Variants in PPP1R14D observed in about 807,000 individuals in gnomAD.
PPP1R14D encodes protein phosphatase 1 regulatory subunit 14D.
A neutral mutation model predicts 17.1 loss-of-function variants in PPP1R14D; 14 were observed. The observed-to-expected ratio is 0.82, with a 90% CI of 0.54 to 1.28. The LOEUF (loss-of-function observed/expected upper bound fraction) is 1.28, where lower values mean the gene tolerates loss of function less well. Ranked by LOEUF, PPP1R14D falls within the 50% of genes most tolerant of loss-of-function variation. The pLI is 0.00. For missense variants in PPP1R14D, 173 were observed against 179.2 expected (o/e 0.97, Z 0.20); for synonymous variants, 67 against 66.1 (o/e 1.01, Z -0.06).
chr15:40,823,541 C>T (rs780515392), intron 1 of PPP1R14D, among the ~76,000 whole-genome samples: 4 of 152,186 alleles, frequency 2.6e-5, no homozygotes, highest in African/African-American at 2.4e-5. Context: ...TAGTAAGTGA[C>T]CTATATAGTT....
intron 1 of PPP1R14D, among the ~76,000 whole-genome samples, 189 bp downstream of exon 1, chr15:40,828,198 G>A (rs1381109380): frequency 6.6e-6 from 1 of 152,182 alleles, no homozygotes; most frequent in Admixed American, 6.5e-5. Context: ...AAGAGCATTA[G>A]AGGCACAGAC....
At chr15:40,816,292 AGCTGGT>A (rs986693875) in intron 1 of PPP1R14D, 39 bp from the exon 2 acceptor site, 4 of 1,550,234 alleles carry the variant, frequency 2.6e-6, no homozygotes, top group East Asian at 2.2e-5. Flanking sequence ...GGGCCTGACC[AGCTGGT>A]GCTGGAATGA....
At position 40,824,125 on chromosome 15, in the gene PPP1R14D, C is replaced by A. The variant is rs118025233; in HGVS notation, c.255+4262G>T. Among the ~76,000 whole-genome samples, 193 of 151,988 alleles carry A rather than the reference C, an allele frequency of 1.3e-3. No individual in the cohort carries two copies. The East Asian group carries it at 0.021, about 17-fold the overall frequency. On this transcript the variant is annotated intron_variant, in intron 1 of 3. Transcript: ENST00000299174. Reference sequence around the variant, plus strand: ...GAACATAAGCAGGTATATAAAACAACCCCTACTGAGATGAACAAGTGTGAG... The same window carrying A: ...GAACATAAGCAGGTATATAAAACAAACCCTACTGAGATGAACAAGTGTGAG...
intron 1 of PPP1R14D, among the ~76,000 whole-genome samples, chr15:40,827,480 G>A (rs993405575): frequency 6.6e-6 from 1 of 152,054 alleles, no homozygotes; most frequent in African/African-American, 2.4e-5. Context: ...TGCACTCCAG[G>A]CTGGTTTACA....
intron 1 of PPP1R14D, among the ~76,000 whole-genome samples, chr15:40,819,861 A>G (rs560682373): frequency 6.3e-5 from 9 of 142,356 alleles, no homozygotes; most frequent in East Asian, 2.0e-4. Context: ...TCCAGTGTAT[A>G]TTGCTATTTT....
At chr15:40,818,562 G>A (rs2141985642) in intron 1 of PPP1R14D, among the ~76,000 whole-genome samples, 1 of 152,214 alleles carries the variant, frequency 6.6e-6, no homozygotes, top group African/African-American at 2.4e-5. Flanking sequence ...TAGTCCCAAG[G>A]AGTCTAGCCT....
intron 1 of PPP1R14D, among the ~76,000 whole-genome samples, chr15:40,818,161 G>T (rs1890705957): frequency 9.1e-6 from 1 of 110,422 alleles, no homozygotes; most frequent in Non-Finnish European, 1.7e-5. Context: ...GTGGTGGTGG[G>T]TGCCTGTGTC....
At chr15:40,823,369 A>G (rs1018124298) in intron 1 of PPP1R14D, among the ~76,000 whole-genome samples, 8 of 152,086 alleles carry the variant, frequency 5.3e-5, no homozygotes, top group Non-Finnish European at 8.8e-5. Context: ...CGGCCTCTCA[A>G]GTGCTGGGAT....
chr15:40,817,773 C>A (rs1044208171), intron 1 of PPP1R14D, among the ~76,000 whole-genome samples: 4 of 151,896 alleles, frequency 2.6e-5, no homozygotes, highest in African/African-American at 9.7e-5. Context: ...CACCACCACA[C>A]CCAGCTAATT....
At chr15:40,816,148 C>T in intron 2 of PPP1R14D, 22 bp downstream of exon 2, 2 of 1,612,992 alleles carry the variant, frequency 1.2e-6, no homozygotes, top group Non-Finnish European at 1.7e-6. Context: ...GACCCAAGGC[C>T]AGCTTCTAGC....
intron 3 of PPP1R14D, 73 bp from the exon 4 acceptor site, chr15:40,815,834 C>T (rs1262421546): frequency 3.4e-6 from 5 of 1,471,702 alleles, no homozygotes; most frequent in Non-Finnish European, 3.7e-6. Flanking sequence ...CCTAATCTTC[C>T]CCTGCCCCTG....
At chr15:40,821,876 C>T (rs747891410) in intron 1 of PPP1R14D, among the ~76,000 whole-genome samples, 5 of 152,070 alleles carry the variant, frequency 3.3e-5, no homozygotes, top group African/African-American at 7.2e-5. Flanking sequence ...TGCGGTGAGG[C>T]GAGATCGTAC....
intron 1 of PPP1R14D, among the ~76,000 whole-genome samples, chr15:40,827,131 C>T (rs767951089): frequency 1.3e-5 from 2 of 152,344 alleles, no homozygotes; most frequent in East Asian, 3.9e-4. Context: ...CCGCACTGTC[C>T]ATTCTGAAAT....
chr15:40,826,614 G>C (rs1326177222), intron 1 of PPP1R14D, among the ~76,000 whole-genome samples: 1 of 152,184 alleles, frequency 6.6e-6, no homozygotes, highest in Non-Finnish European at 1.5e-5. Flanking sequence ...AGGTTTCCTA[G>C]TTGTGTGACC....
chr15:40,818,181 C>A (rs964367254), intron 1 of PPP1R14D, among the ~76,000 whole-genome samples: 1 of 146,210 alleles, frequency 6.8e-6, no homozygotes, highest in African/African-American at 2.5e-5. Context: ...CCCAGCTACT[C>A]GGGAGGCTGA....
At chr15:40,819,816 T>C (rs1890739417) in intron 1 of PPP1R14D, among the ~76,000 whole-genome samples, 3 of 152,196 alleles carry the variant, frequency 2.0e-5, no homozygotes, top group South Asian at 2.1e-4. Flanking sequence ...GGGAAATACA[T>C]GTATGTGTTT....
At chr15:40,820,118 G>A (rs1393930206) in intron 1 of PPP1R14D, among the ~76,000 whole-genome samples, 3 of 146,050 alleles carry the variant, frequency 2.1e-5, no homozygotes, top group Non-Finnish European at 4.5e-5. Context: ...TGCCCGCCTC[G>A]GCCTCCCAAA....
At position 40,815,750 on chromosome 15, in the gene PPP1R14D, A is replaced by C. The variant is rs1190759685; in HGVS notation, c.384T>G (p.Ser128=). 2 of 1,611,590 alleles carry C rather than the reference A, an allele frequency of 1.2e-6. No homozygotes were observed. The highest frequency in any genetic ancestry group is 1.3e-5 in the African/African-American group (1 of 74,954). Reference sequence around the variant, plus strand: ...GTTTCTTGAGTTGACTGAGCAGCTCAGAGATAAAAGCCTGAGGGAGAAACA... The same window carrying C: ...GTTTCTTGAGTTGACTGAGCAGCTCCGAGATAAAAGCCTGAGGGAGAAACA... ...NCPRPTEAFI[S]ELLSQLKKLR... Residue 128 remains serine (S), a synonymous_variant, in exon 4 of 4, where the codon TCT becomes TCG. Transcript: ENST00000299174.
intron 1 of PPP1R14D, among the ~76,000 whole-genome samples, chr15:40,817,045 C>T (rs991390156): frequency 8.0e-5 from 12 of 150,916 alleles, no homozygotes; most frequent in Admixed American, 6.0e-4. Context: ...CACTCCAGCC[C>T]GTCTGGGCGA....
Sources: allele counts gnomAD v4.1 joint callset (sites outside exome capture counted in the v4.1 genomes callset), GRCh38; gene constraint gnomAD v4.1.1; transcripts MANE v1.5; gene names NCBI Gene and HGNC (gene_info 2026-07-23, HGNC 2026-07-21).